Variants in MCF2L observed in about 807,000 individuals in gnomAD.
MCF2L encodes guanine nucleotide exchange factor DBS.
In MCF2L, 97 loss-of-function variants were observed where a neutral mutation model predicts 153.4. The ratio of observed to expected loss-of-function variants is 0.63; its 90% CI spans 0.54 to 0.75. The LOEUF is 0.75. MCF2L is among the 30% of genes least tolerant of loss of function. The probability of loss-of-function intolerance (pLI) is 0.00; values close to 1 mark genes in which losing one functional copy is unlikely to be tolerated. For synonymous variants in MCF2L, 659 were observed against 632.2 expected (o/e 1.04, Z -0.64); for missense variants, 1,347 against 1,495.2 (o/e 0.90, Z 1.64).
chr13:112,978,426 G>A (rs2082287376), intron 1 of MCF2L, among the ~76,000 whole-genome samples: 2 of 152,216 alleles, frequency 1.3e-5, no homozygotes, highest in South Asian at 2.1e-4. Flanking sequence ...GCAGAAGCTG[G>A]CTCTCAACAC....
At chr13:113,082,658 G>A (rs751733255) in intron 17 of MCF2L, 116 bp downstream of exon 17, 16 of 748,990 alleles carry the variant, frequency 2.1e-5, no homozygotes, top group Non-Finnish European at 3.7e-5. Context: ...AGGGAGGGGC[G>A]CCCAAGGGGT....
intron 1 of MCF2L, among the ~76,000 whole-genome samples, chr13:112,987,880 AC>A (rs1214528296): frequency 6.6e-6 from 1 of 152,182 alleles, no homozygotes; most frequent in Admixed American, 6.5e-5. Flanking sequence ...ACCAGAACTG[AC>A]CCTGCCCAGC....
chr13:112,969,248 G>A lies in MCF2L; in HGVS notation c.-132G>A. ...ATCCTGGGCAGGGAGGCGGCGGCTG[G>A]AGGCTGAAAGCGCTGCCGTGGCCCC... is the stretch of plus-strand genomic sequence containing the variant. On this transcript the variant is annotated 5_prime_UTR_variant, in exon 1 of 30. Transcript: ENST00000535094. The surrounding 1 kb of genome is among the most constrained non-coding windows in gnomAD (Gnocchi z 4.8). 7.2e-7 allele frequency: 1 copy of A among 1,386,720 alleles called. No homozygotes were observed. 85.9% of individuals were successfully genotyped at this position (1,386,720 alleles called of 1,614,324 possible).
intron 9 of MCF2L, among the ~76,000 whole-genome samples, chr13:113,072,766 T>C (rs1312449893): frequency 6.6e-6 from 1 of 152,196 alleles, no homozygotes; most frequent in African/African-American, 2.4e-5. Context: ...TTGAGATGTA[T>C]CACTCCTCAT....
Position 113,074,880 on chromosome 13 carries a change from C to A in MCF2L, c.1117-118C>A. Reference sequence around the variant, plus strand: ...TAAGCAGCATCTCAGGCATCCGCAGCAGTAAACAAAGAAATCAAGACACAC... The same window carrying A: ...TAAGCAGCATCTCAGGCATCCGCAGAAGTAAACAAAGAAATCAAGACACAC... On this transcript the variant is annotated intron_variant, in intron 10 of 29. Transcript: ENST00000535094. This position sits in a 1 kb window ranked among gnomAD's most constrained non-coding sequence, Gnocchi z 4.2. 2 of 956,404 alleles carry A rather than the reference C, an allele frequency of 2.1e-6. No homozygotes were observed. Among genetic ancestry groups the A allele is most frequent in the Non-Finnish European group, 1.6e-6 (1 of 637,522 alleles). 59.2% of individuals were successfully genotyped at this position (956,404 alleles called of 1,614,324 possible).
chr13:113,089,887 C>T (rs1595017677), intron 26 of MCF2L, 159 bp downstream of exon 26: 1 of 1,608,190 alleles, frequency 6.2e-7, no homozygotes, highest in East Asian at 2.2e-5. Context: ...CCCTAGGACC[C>T]CACAGAAGAG....
In MCF2L at chr13:113,066,148, G is replaced by A. The variant is rs770099680; in HGVS notation, c.859G>A (p.Asp287Asn). 1.2e-6 allele frequency: 2 copies of A among 1,612,494 alleles called. No homozygotes were observed. The highest frequency in any genetic ancestry group is 1.1e-5 in the South Asian group (1 of 91,016). Residue 287 changes from aspartate to asparagine, a missense_variant, in exon 8 of 30, where the codon GAC becomes AAC. By Grantham distance (23) the Asp-to-Asn change is conservative. This residue lies in a region of MCF2L where 820 missense variants were observed against 921.2 expected (regional missense o/e 0.89). Coordinates refer to ENST00000535094, the MANE Select transcript of MCF2L (RefSeq NM_001112732.3). ...GCCCAGTGTGAACCAGGACCAGCTT[G>A]ACAACCAGGCCACCGTGCAGAGGTG... ...SEPSVNQDQL[D>N]NQATVQRLLA...
At chr13:112,942,764 G>A (rs568436313) in intron 2 of MCF2L, among the ~76,000 whole-genome samples, 1 of 152,320 alleles carries the variant, frequency 6.6e-6, no homozygotes, top group East Asian at 1.9e-4. Flanking sequence ...TGCAGCGGGT[G>A]CAGGCAGGGA....
intron 2 of MCF2L, among the ~76,000 whole-genome samples, chr13:112,903,426 G>A (rs550405017): frequency 2.0e-5 from 3 of 152,250 alleles, no homozygotes; most frequent in African/African-American, 4.8e-5. Flanking sequence ...CTCCTGTTTC[G>A]TGTCTTCAGG....
rs376231908 is a variant in MCF2L at position 113,033,199 on chromosome 13, G to A, written c.278+8441G>A. Reference sequence around the variant, plus strand: ...CCATGACGTGAGTGGACCCCGTGACGTGAGTGGCCCCCGTGACATGAGTGG... The same window carrying A: ...CCATGACGTGAGTGGACCCCGTGACATGAGTGGCCCCCGTGACATGAGTGG... On this transcript the variant is annotated intron_variant, in intron 3 of 29. Transcript: ENST00000535094. 6.6e-5 allele frequency among the ~76,000 whole-genome samples: 9 copies of A among 135,948 alleles called. No individual in the cohort carries two copies. The East Asian group carries it at 7.4e-4, about 11-fold the overall frequency. 89.2% of individuals were successfully genotyped at this position (135,948 alleles called of 152,430 possible).
chr13:112,976,861 G>A (rs965358701), intron 1 of MCF2L, among the ~76,000 whole-genome samples: 1 of 152,214 alleles, frequency 6.6e-6, no homozygotes, highest in Non-Finnish European at 1.5e-5. Context: ...CAGGGCTGGC[G>A]CAGAGGGGTT....
chr13:112,963,134 G>A, intron 2 of MCF2L, among the ~76,000 whole-genome samples: 1 of 152,154 alleles, frequency 6.6e-6, no homozygotes. Context: ...GCTCTGCCCT[G>A]GGCACAGACG....
rs79071060 is a variant in MCF2L, at chr13:113,090,326, G to A, written c.2953+598G>A. 3.5e-5 allele frequency: 42 copies of A among 1,203,504 alleles called. No individual in the cohort carries two copies. The East Asian group carries it at 1.6e-3, about 47-fold the overall frequency. 74.6% of individuals were successfully genotyped at this position (1,203,504 alleles called of 1,614,324 possible). On this transcript the variant is annotated intron_variant, in intron 26 of 29. Coordinates refer to ENST00000535094, the MANE Select transcript of MCF2L (RefSeq NM_001112732.3). The stretch of plus-strand genomic sequence containing the variant: ...CTGTGTCTCGCGCACAGACACCAGA[G>A]TTATTTAGAGGTGGCTTTCCTTCGG...
chr13:113,025,741 G>T (rs927404234), intron 3 of MCF2L, among the ~76,000 whole-genome samples: 111 of 69,338 alleles, frequency 1.6e-3, no homozygotes, highest in Middle Eastern at 0.011. Context: ...GATTTCACCA[G>T]GGTGGGGTCC....
At chr13:113,065,142 G>A (rs754600513) in intron 7 of MCF2L, 57 bp downstream of exon 7, 2 of 1,598,010 alleles carry the variant, frequency 1.3e-6, no homozygotes, top group Non-Finnish European at 1.7e-6. Context: ...GTCAGAAGCT[G>A]CGCGGGGCTC....
rs2033759509 is a variant in MCF2L, at chr13:113,078,524, G to A, written c.1734+88G>A. The A allele has an allele frequency of 5.7e-6, 8 of 1,403,636 alleles. No individual in the cohort carries two copies. The Admixed American group carries it at 1.5e-4, about 27-fold the overall frequency. The allele number at this position is 1,403,636 out of a possible 1,614,324, so 86.9% of individuals were successfully genotyped here. A position where few individuals can be genotyped will look rare whatever the true frequency, so the allele number is the denominator to read the frequency against. On this transcript the variant is annotated intron_variant, in intron 14 of 29. Coordinates refer to ENST00000535094, the MANE Select transcript of MCF2L (RefSeq NM_001112732.3). ...GTTCTCCGTGTGGCCCCCCCTCCCG[G>A]GCACTGCCCAGCTACCTGGCCAGCT... is the stretch of plus-strand genomic sequence containing the variant.
chr13:112,896,090 A>G (rs1387230122), intron 1 of MCF2L, among the ~76,000 whole-genome samples: 1 of 152,196 alleles, frequency 6.6e-6, no homozygotes, highest in Non-Finnish European at 1.5e-5. Flanking sequence ...AGACTTTGGC[A>G]GGGACCCCGT....
intron 1 of MCF2L, among the ~76,000 whole-genome samples, chr13:113,013,319 G>C (rs146243603): frequency 6.6e-6 from 1 of 152,158 alleles, no homozygotes; most frequent in Admixed American, 6.5e-5. Flanking sequence ...CCCTGAGCTC[G>C]CCCTGCAAGG....
At chr13:113,062,795 G>A (rs2031729249) in intron 5 of MCF2L, among the ~76,000 whole-genome samples, 1 of 152,204 alleles carries the variant, frequency 6.6e-6, no homozygotes. Flanking sequence ...CATGGATGGA[G>A]TGACCTCAAA....
Sources: gnomAD v4.1 joint callset for allele counts (sites outside exome capture counted in the v4.1 genomes callset) on GRCh38, gnomAD v4.1.1 for gene constraint, gnomAD v4.1.1 regional missense constraint, Gnocchi (gnomAD v3.1) non-coding constraint, MANE v1.5 for transcripts, NCBI Gene and HGNC (gene_info 2026-07-23, HGNC 2026-07-21) for gene names.